GPBP1: variants seen among roughly 807,000 people sequenced by gnomAD.
GPBP1 encodes the protein vasculin.
In GPBP1, 13 loss-of-function variants were observed where a neutral mutation model predicts 56.5. That is an observed-to-expected ratio of 0.23 (90% confidence interval 0.15 to 0.37). The LOEUF (loss-of-function observed/expected upper bound fraction) is 0.37, where lower values mean the gene tolerates loss of function less well. GPBP1 is among the 10% of genes least tolerant of loss of function. The pLI, the probability that GPBP1 is intolerant of heterozygous loss-of-function variation, is 1.00. For synonymous variants in GPBP1, 204 were observed against 188.9 expected, an observed-to-expected ratio of 1.08 and a Z score of -0.66; for missense variants, 477 against 572.3, an observed-to-expected ratio of 0.83 and a Z score of 1.70.
chr5:57,218,185 T>C (rs1393507726), intron 3 of GPBP1, among the ~76,000 whole-genome samples: 2 of 152,152 alleles, frequency 1.3e-5, no homozygotes, highest in East Asian at 3.9e-4. Flanking sequence ...TACCTGGGTA[T>C]CCTATAATTC....
At chr5:57,203,139 A>C (rs1236316385) in intron 2 of GPBP1, among the ~76,000 whole-genome samples, 1 of 152,208 alleles carries the variant, frequency 6.6e-6, no homozygotes, top group African/African-American at 2.4e-5. Context: ...AATATGTCTC[A>C]AAAATTGAGA....
At chr5:57,231,378 A>G in intron 5 of GPBP1, 57 bp downstream of exon 5, 1 of 1,376,146 alleles carries the variant, frequency 7.3e-7, no homozygotes, top group Non-Finnish European at 1.0e-6. Context: ...ATTTTAAGTG[A>G]TTCTCCTGCC....
rs373601089 is a variant in GPBP1, at chr5:57,262,677, C to T, written c.1347C>T (p.Ser449=). 6.2e-7 allele frequency: 1 copy of T among 1,613,262 alleles called. No homozygotes were observed. Among genetic ancestry groups the T allele is most frequent in the Admixed American group, 1.7e-5 (1 of 59,966 alleles). The change falls in exon 12 of 12, where the codon AGC becomes AGT. Residue 449 remains serine, a synonymous_variant. Coordinates refer to ENST00000506184, the MANE Select transcript of GPBP1 (RefSeq NM_022913.4). The part of the protein sequence containing the change: ...CDFKFGPWKN[S]TFKPTTENDD... ...TCAAGTTTGGACCGTGGAAGAACAG[C>T]ACTTTCAAACCCACAACTGAGAATG...
At chr5:57,205,566 C>T (rs1329611155) in intron 2 of GPBP1, among the ~76,000 whole-genome samples, 3 of 147,760 alleles carry the variant, frequency 2.0e-5, no homozygotes, top group South Asian at 2.1e-4. Context: ...CACATCTTTG[C>T]TAACATTTAT....
Position 57,227,196 on chromosome 5 carries a change from G to A in GPBP1, c.64-3650G>A, listed in dbSNP as rs1344817325. On this transcript the variant is annotated intron_variant, in intron 3 of 11. Coordinates refer to ENST00000506184, the MANE Select transcript of GPBP1 (RefSeq NM_022913.4). ...GCCTCCTGAATAGCTGGGATTACAG[G>A]CACCCACCACCATACCCAGCTAATT... 2.6e-5 allele frequency among the ~76,000 whole-genome samples: 4 copies of A among 152,068 alleles called. No individual in the cohort carries two copies. In the East Asian group the frequency reaches 5.8e-4, roughly 22 times the overall value.
intron 6 of GPBP1, among the ~76,000 whole-genome samples, chr5:57,244,445 T>A (rs1338319980): frequency 6.6e-6 from 1 of 152,224 alleles, no homozygotes; most frequent in Non-Finnish European, 1.5e-5. Flanking sequence ...TTAAACTTAC[T>A]TAGTTGTAGT....
chr5:57,224,246 C>CTTT (rs1234096946), intron 3 of GPBP1, among the ~76,000 whole-genome samples: 5 of 139,566 alleles, frequency 3.6e-5, no homozygotes, highest in Admixed American at 1.5e-4. Context: ...TCCTGATCCT[C>CTTT]TTTTTTTTTT....
chr5:57,187,558 C>T (rs916549880), intron 2 of GPBP1, among the ~76,000 whole-genome samples: 1 of 152,062 alleles, frequency 6.6e-6, no homozygotes, highest in African/African-American at 2.4e-5. Context: ...TCTATGAATA[C>T]AGAATAAAAA....
In GPBP1 at chr5:57,261,274, A is replaced by C; in HGVS notation, c.1255A>C (p.Ser419Arg). ...TGAAATGAGAGAATTCCAAGTTATT[A>C]GTGAACAGGTAAGAAAACCTGAATC... The part of the protein sequence containing the change: ...EDEMREFQVI[S>R]EQLQKNGLRK... The change falls in exon 11 of 12, where the codon AGT (serine) becomes CGT (arginine). Residue 419 changes from serine (S) to arginine (R), a missense_variant. Ser to Arg is a moderately radical substitution (Grantham distance 110). Around this residue, in one of 2 missense-constraint regions of GPBP1, gnomAD observed 63 missense variants for 114.0 expected, o/e 0.55. Transcript: ENST00000506184. 1 of 1,589,910 alleles carries C rather than the reference A, an allele frequency of 6.3e-7. No homozygotes were observed. The highest frequency in any genetic ancestry group is 8.6e-7 in the Non-Finnish European group (1 of 1,157,992).
chr5:57,224,055 G>C lies in GPBP1; in HGVS notation c.64-6791G>C, dbSNP rs572372985. 2.0e-5 allele frequency among the ~76,000 whole-genome samples: 3 copies of C among 151,658 alleles called. No individual in the cohort carries two copies. The South Asian group carries it at 6.3e-4, about 32-fold the overall frequency. ...TCACCATGTTAGCCAGGATGGTCTC[G>C]ATCTCCTGACCTCATGATCCGCCCG... is the stretch of plus-strand genomic sequence containing the variant. On this transcript the variant is annotated intron_variant, in intron 3 of 11. Transcript: ENST00000506184.
At chr5:57,194,456 G>A (rs1185166604) in intron 2 of GPBP1, among the ~76,000 whole-genome samples, 1 of 152,084 alleles carries the variant, frequency 6.6e-6, no homozygotes, top group East Asian at 1.9e-4. Flanking sequence ...TTTGATAAAA[G>A]CATACAGTGT....
At chr5:57,177,059 T>G (rs1220023113) in intron 2 of GPBP1, among the ~76,000 whole-genome samples, 1 of 152,166 alleles carries the variant, frequency 6.6e-6, no homozygotes, top group Non-Finnish European at 1.5e-5. Flanking sequence ...GACCAGAAGC[T>G]CAGAGGAACT....
At chr5:57,182,859 A>G (rs1754118919) in intron 2 of GPBP1, among the ~76,000 whole-genome samples, 1 of 151,474 alleles carries the variant, frequency 6.6e-6, no homozygotes, top group African/African-American at 2.4e-5. Context: ...AATTTTTTTT[A>G]TTTTGTAGAG....
chr5:57,181,908 A>G (rs1173229635), intron 2 of GPBP1, among the ~76,000 whole-genome samples: 3 of 152,116 alleles, frequency 2.0e-5, no homozygotes, highest in Non-Finnish European at 4.4e-5. Flanking sequence ...CCATTTTGTC[A>G]GCTGTCCCAC....
intron 6 of GPBP1, among the ~76,000 whole-genome samples, chr5:57,238,142 T>C (rs1740625755): frequency 6.6e-6 from 1 of 152,210 alleles, no homozygotes; most frequent in Admixed American, 6.5e-5. Flanking sequence ...AATTTAAAAC[T>C]AAAACAGGAA....
intron 11 of GPBP1, 115 bp downstream of exon 11, chr5:57,261,397 A>C: frequency 1.6e-6 from 1 of 627,338 alleles, no homozygotes; most frequent in Non-Finnish European, 2.8e-6. Context: ...ATAGGTCAGA[A>C]TTGCTTTTAA....
intron 8 of GPBP1, among the ~76,000 whole-genome samples, chr5:57,247,822 G>A (rs1741167175): frequency 6.6e-6 from 1 of 152,060 alleles, no homozygotes; most frequent in Non-Finnish European, 1.5e-5. Flanking sequence ...TGGCTCACTG[G>A]TGCCTTGACC....
intron 6 of GPBP1, among the ~76,000 whole-genome samples, chr5:57,236,634 A>G (rs991958177): frequency 2.0e-5 from 3 of 151,848 alleles, no homozygotes; most frequent in Admixed American, 6.6e-5. Flanking sequence ...TGACAGTTCA[A>G]TTTGTTAGCA....
At chr5:57,255,690 T>A (rs905327958) in intron 10 of GPBP1, among the ~76,000 whole-genome samples, 2 of 152,248 alleles carry the variant, frequency 1.3e-5, no homozygotes, top group Non-Finnish European at 2.9e-5. Flanking sequence ...TCTTCTGATT[T>A]CCCTTCAGTA....
Sources: allele counts gnomAD v4.1 joint callset (sites outside exome capture counted in the v4.1 genomes callset), GRCh38; gene constraint gnomAD v4.1.1; regional missense constraint gnomAD v4.1.1; transcripts MANE v1.5; gene names NCBI Gene and HGNC (gene_info 2026-07-23, HGNC 2026-07-21).